MIR2052HG: variants seen among roughly 807,000 people sequenced by gnomAD.
The protein encoded by MIR2052HG is MIR2052 host gene.
chr8:74,658,416 A>C lies in MIR2052HG; in HGVS notation n.217-43963A>C, dbSNP rs1211839995. ...TTTTTTTTTTTTCTTTTTGAGATGC[A>C]GTCTCTGTCTGTCGCCCAGGCTGGA... On this transcript the variant is annotated intron_variant and non_coding_transcript_variant, in intron 2 of 6. Coordinates refer to ENST00000523442, the Ensembl canonical transcript of MIR2052HG. 3.4e-5 allele frequency among the ~76,000 whole-genome samples: 5 copies of C among 146,960 alleles called. No individual in the cohort carries two copies. The Admixed American group carries it at 3.4e-4, about 10-fold the overall frequency.
chr8:74,729,782 A>G (rs1809671912), intron 4 of MIR2052HG, among the ~76,000 whole-genome samples: 1 of 152,168 alleles, frequency 6.6e-6, no homozygotes, highest in Non-Finnish European at 1.5e-5. Flanking sequence ...AGGAAAACAT[A>G]AAGATATTGT....
chr8:74,658,816 G>C (rs1563525007), intron 2 of MIR2052HG, among the ~76,000 whole-genome samples: 1 of 152,112 alleles, frequency 6.6e-6, no homozygotes, highest in African/African-American at 2.4e-5. Context: ...CAGAATCTCT[G>C]TAAAGCATCT....
At chr8:74,686,592 C>T (rs1196441302) in intron 2 of MIR2052HG, among the ~76,000 whole-genome samples, 8 of 152,072 alleles carry the variant, frequency 5.3e-5, no homozygotes, top group Non-Finnish European at 1.2e-4. Flanking sequence ...AGTTGTGTCA[C>T]CTTGGGTAAG....
intron 2 of MIR2052HG, among the ~76,000 whole-genome samples, chr8:74,662,723 C>A (rs138030275): frequency 1.3e-4 from 20 of 152,118 alleles, no homozygotes; most frequent in African/African-American, 4.1e-4. Context: ...ACCTTAATAT[C>A]TTGTAAGAAT....
rs530997523 is a variant in MIR2052HG, at chr8:74,690,284, T to C, written n.217-12095T>C. 1.3e-3 allele frequency among the ~76,000 whole-genome samples: 200 copies of C among 152,282 alleles called. 2 individuals carry two copies. Among genetic ancestry groups the C allele is most frequent in the African/African-American group, 4.7e-3 (194 of 41,562 alleles). ...TCTCTTTGGTATTTTCAGAGATAGT[T>C]TTCTGAAAGACCTGTCATCTGAGGT... is the stretch of plus-strand genomic sequence containing the variant. On this transcript the variant is annotated intron_variant and non_coding_transcript_variant, in intron 2 of 6. Transcript: ENST00000523442.
At chr8:74,658,430 G>A (rs767635753) in intron 2 of MIR2052HG, among the ~76,000 whole-genome samples, 3 of 147,854 alleles carry the variant, frequency 2.0e-5, no homozygotes, top group East Asian at 2.0e-4. Flanking sequence ...TCTGTCTGTC[G>A]CCCAGGCTGG....
At chr8:74,671,999 T>A (rs1391818928) in intron 2 of MIR2052HG, among the ~76,000 whole-genome samples, 1 of 152,150 alleles carries the variant, frequency 6.6e-6, no homozygotes, top group Non-Finnish European at 1.5e-5. Flanking sequence ...GGATACCTTT[T>A]TATAGATAAA....
intron 2 of MIR2052HG, among the ~76,000 whole-genome samples, chr8:74,697,699 C>G (rs1176044662): frequency 6.6e-6 from 1 of 152,088 alleles, no homozygotes; most frequent in East Asian, 1.9e-4. Context: ...AGCTGAGAAT[C>G]AAATCAAGAA....
chr8:74,716,390 C>A, intron 4 of MIR2052HG, among the ~76,000 whole-genome samples: 1 of 152,028 alleles, frequency 6.6e-6, no homozygotes, highest in East Asian at 1.9e-4. Flanking sequence ...TACAGCTGGG[C>A]CTTTTATAGA....
At chr8:74,611,897 G>A (rs1165364970) in intron 1 of MIR2052HG, among the ~76,000 whole-genome samples, 1 of 152,176 alleles carries the variant, frequency 6.6e-6, no homozygotes, top group Non-Finnish European at 1.5e-5. Flanking sequence ...CCTGACTTGG[G>A]TGTGATAGAA....
At chr8:74,603,487 C>A in intron 1 of MIR2052HG, 1 of 1,589,998 alleles carries the variant, frequency 6.3e-7, no homozygotes, top group Non-Finnish European at 8.6e-7. Context: ...GATTATGCAG[C>A]CAATCAAATC....
chr8:74,709,533 C>T (rs1809446136), intron 4 of MIR2052HG, among the ~76,000 whole-genome samples: 1 of 151,948 alleles, frequency 6.6e-6, no homozygotes, highest in Non-Finnish European at 1.5e-5. Flanking sequence ...CTATCTGTTT[C>T]AGAATTTTTT....
At chr8:74,708,731 A>G (rs1809435205) in intron 4 of MIR2052HG, among the ~76,000 whole-genome samples, 2 of 151,854 alleles carry the variant, frequency 1.3e-5, no homozygotes, top group South Asian at 4.1e-4. Context: ...TAAATTCTGA[A>G]AATGTAAAAT....
chr8:74,727,149 G>GAC (rs146438820), intron 4 of MIR2052HG, among the ~76,000 whole-genome samples: 6 of 151,970 alleles, frequency 3.9e-5, no homozygotes, highest in East Asian at 1.9e-4. Context: ...CCAAATCTTG[G>GAC]ACACACACAC....
At chr8:74,754,156 C>A (rs1809976077) in intron 5 of MIR2052HG, among the ~76,000 whole-genome samples, 1 of 152,142 alleles carries the variant, frequency 6.6e-6, no homozygotes, top group East Asian at 1.9e-4. Context: ...TAGGGTGGTT[C>A]TGAGGCTTAA....
chr8:74,691,944 G>C (rs1219121202), intron 2 of MIR2052HG, among the ~76,000 whole-genome samples: 10 of 152,140 alleles, frequency 6.6e-5, no homozygotes, highest in Admixed American at 6.5e-4. Flanking sequence ...AGTTGTATCT[G>C]TGTATGTCTT....
chr8:74,633,151 C>T (rs1808539075), intron 2 of MIR2052HG: 2 of 152,550 alleles, frequency 1.3e-5, no homozygotes, highest in South Asian at 2.1e-4. Context: ...TTCTGAGTAG[C>T]TGGGACCACA....
At chr8:74,708,799 A>G (rs1284070872) in intron 4 of MIR2052HG, among the ~76,000 whole-genome samples, 1 of 151,066 alleles carries the variant, frequency 6.6e-6, no homozygotes, top group Non-Finnish European at 1.5e-5. Context: ...AAATTTAAAA[A>G]AAATTTAAAT....
At chr8:74,631,745 T>A (rs1430358551) in intron 2 of MIR2052HG, among the ~76,000 whole-genome samples, 5 of 151,902 alleles carry the variant, frequency 3.3e-5, no homozygotes, top group Non-Finnish European at 7.4e-5. Context: ...GGATGGGGAG[T>A]CCAAGGTCAA....
Sources: gnomAD v4.1 joint callset for allele counts (sites outside exome capture counted in the v4.1 genomes callset) on GRCh38, gnomAD v4.1.1 for gene constraint, MANE v1.5 for transcripts, NCBI Gene and HGNC (gene_info 2026-07-23, HGNC 2026-07-21) for gene names.